ATP6V1C2: variants seen among roughly 807,000 people sequenced by gnomAD.
ATP6V1C2 encodes the protein V-type proton ATPase subunit C 2.
ATP6V1C2 carries 45 observed loss-of-function variants against 56.8 expected under a neutral mutation model. That is an observed-to-expected ratio of 0.79 (90% confidence interval 0.62 to 1.02). The LOEUF (loss-of-function observed/expected upper bound fraction) is 1.02. Among genes scored for constraint, ATP6V1C2 ranks in the 50% least tolerant of loss-of-function variants. ATP6V1C2 has a pLI of 0.00. For synonymous variants in ATP6V1C2, 220 were observed against 201.3 expected, an observed-to-expected ratio of 1.09 and a Z score of -0.79; for missense variants, 463 against 519.7, an observed-to-expected ratio of 0.89 and a Z score of 1.06.
chr2:10,730,801 C>T (rs572430252), intron 3 of ATP6V1C2, among the ~76,000 whole-genome samples: 25 of 151,610 alleles, frequency 1.6e-4, no homozygotes, highest in African/African-American at 4.4e-4. Flanking sequence ...TACAGGCATG[C>T]GCCACCATGC....
rs758479049 is a variant in ATP6V1C2 at position 10,763,130 on chromosome 2, G to A, written c.284-1201G>A. 6.6e-6 allele frequency among the ~76,000 whole-genome samples: 1 copy of A among 152,070 alleles called. No homozygotes were observed. The highest frequency in any genetic ancestry group is 1.5e-5 in the Non-Finnish European group (1 of 68,000). ...GTGAAGTGCAGACATGACCCTTGGT[G>A]ACCGATCCTACCCCTTTCTGTTCAG... On this transcript the variant is annotated intron_variant, in intron 4 of 13. Transcript: ENST00000272238. This position sits in a 1 kb window ranked among gnomAD's most constrained non-coding sequence, Gnocchi z 4.2.
chr2:10,742,560 C>T (rs116583151), intron 3 of ATP6V1C2, among the ~76,000 whole-genome samples: 1,937 of 152,288 alleles, frequency 0.013, 16 homozygotes, highest in Non-Finnish European at 0.018. Context: ...AGGCACCCGC[C>T]GGCTGCTCCT....
chr2:10,747,486 A>C (rs1294683720), intron 3 of ATP6V1C2, among the ~76,000 whole-genome samples: 2 of 152,186 alleles, frequency 1.3e-5, no homozygotes, highest in East Asian at 1.9e-4. Context: ...ATATAACTTT[A>C]GTATGATGAT....
intron 13 of ATP6V1C2, 73 bp downstream of exon 13, chr2:10,782,448 G>A (rs1558431997): frequency 6.5e-7 from 1 of 1,543,782 alleles, no homozygotes; most frequent in Non-Finnish European, 8.8e-7. Flanking sequence ...GTATCTGCCT[G>A]TAATCCCAAC....
intron 4 of ATP6V1C2, among the ~76,000 whole-genome samples, chr2:10,756,358 T>C (rs906205294): frequency 2.0e-5 from 3 of 148,792 alleles, no homozygotes; most frequent in Admixed American, 1.3e-4. Flanking sequence ...AGACTCTGTC[T>C]CAAAACAAAC....
intron 6 of ATP6V1C2, among the ~76,000 whole-genome samples, chr2:10,771,538 G>A (rs2148497479): frequency 6.6e-6 from 1 of 152,270 alleles, no homozygotes; most frequent in African/African-American, 2.4e-5. Context: ...GGGCAGCGCA[G>A]GTCACTGAGG....
rs181977824 is a variant in ATP6V1C2 at position 10,773,478 on chromosome 2, G to A, written c.638+868G>A. Reference sequence around the variant, plus strand: ...GCTCACTGCAACCTCCGCCTTCCGGGTTTAAGCAACTCTTCTACCTCAGCC... The same window carrying A: ...GCTCACTGCAACCTCCGCCTTCCGGATTTAAGCAACTCTTCTACCTCAGCC... On this transcript the variant is annotated intron_variant, in intron 8 of 13. Transcript: ENST00000272238. Among the ~76,000 whole-genome samples the A allele has an allele frequency of 3.7e-3, 567 of 152,286 alleles. 3 individuals carry two copies. The highest frequency in any genetic ancestry group is 0.031 in the Middle Eastern group (9 of 294).
chr2:10,784,188 T>G lies in ATP6V1C2; in HGVS notation c.*925T>G. The G allele has an allele frequency of 1.7e-6, 2 of 1,168,032 alleles. No homozygotes were observed. Among genetic ancestry groups the G allele is most frequent in the Non-Finnish European group, 2.5e-6 (2 of 802,728 alleles). The allele number at this position is 1,168,032 out of a possible 1,614,324, so 72.4% of individuals were successfully genotyped here. The stretch of plus-strand genomic sequence containing the variant: ...TAGAGTCATCTGAGTGTAGAGAATG[T>G]CCCTTCACTGCTGGAAAAATCCACT... On this transcript the variant is annotated 3_prime_UTR_variant, in exon 14 of 14. Transcript: ENST00000272238.
rs1215038327 is a variant in ATP6V1C2 at position 10,782,385 on chromosome 2, C to T, written c.1194+10C>T. Reference sequence around the variant, plus strand: ...TACAAGTATACTGGATGTAGGTATCCAGAAACAGCAGTATTTCTACAGTAA... The same window carrying T: ...TACAAGTATACTGGATGTAGGTATCTAGAAACAGCAGTATTTCTACAGTAA... On this transcript the variant is annotated intron_variant, in intron 13 of 13. Transcript: ENST00000272238. The T allele has an allele frequency of 6.2e-7, 1 of 1,613,368 alleles. No individual in the cohort carries two copies. The highest frequency in any genetic ancestry group is 2.2e-5 in the East Asian group (1 of 44,876).
intron 3 of ATP6V1C2, among the ~76,000 whole-genome samples, chr2:10,733,507 GA>G (rs1357185625): frequency 6.6e-6 from 1 of 152,056 alleles, no homozygotes; most frequent in East Asian, 1.9e-4. Context: ...CATGTAGTTG[GA>G]AGGCAGCTTT....
intron 10 of ATP6V1C2, among the ~76,000 whole-genome samples, chr2:10,776,544 G>A (rs3856465): frequency 0.29 from 44,028 of 152,150 alleles, 6,684 homozygotes; most frequent in African/African-American, 0.32. Context: ...TCTTCCTTAG[G>A]CTCAGCTCAC....
At chr2:10,752,719 G>T (rs1378761102) in intron 3 of ATP6V1C2, among the ~76,000 whole-genome samples, 1 of 152,178 alleles carries the variant, frequency 6.6e-6, no homozygotes, top group Non-Finnish European at 1.5e-5. Flanking sequence ...AAATCGGCAG[G>T]GTGCGATGGC....
chr2:10,724,905 T>C (rs1226847961), intron 2 of ATP6V1C2, among the ~76,000 whole-genome samples: 1 of 152,098 alleles, frequency 6.6e-6, no homozygotes, highest in African/African-American at 2.4e-5. Context: ...ACCTTCGGCC[T>C]CCCAAAGTGT....
intron 4 of ATP6V1C2, among the ~76,000 whole-genome samples, chr2:10,762,441 G>A (rs1305272463): frequency 6.6e-6 from 1 of 152,118 alleles, no homozygotes; most frequent in Non-Finnish European, 1.5e-5. Context: ...ACCACGCCCG[G>A]CAAAGCATAA....
At position 10,734,398 on chromosome 2, in the gene ATP6V1C2, C is replaced by G. The variant is rs893978159; in HGVS notation, c.197+7829C>G. On this transcript the variant is annotated intron_variant, in intron 3 of 13. Coordinates refer to ENST00000272238, the MANE Select transcript of ATP6V1C2 (RefSeq NM_001039362.2). Reference sequence around the variant, plus strand: ...CACTTGCCACAGTGGATTTTGACGTCTTCTTGTGGGATTATTTGGTCATAT... The same window carrying G: ...CACTTGCCACAGTGGATTTTGACGTGTTCTTGTGGGATTATTTGGTCATAT... 3.3e-5 allele frequency among the ~76,000 whole-genome samples: 5 copies of G among 152,302 alleles called. 1 individual carries two copies. In the South Asian group the frequency reaches 1.0e-3, roughly 32 times the overall value.
chr2:10,727,862 C>T (rs1222793885), intron 3 of ATP6V1C2, among the ~76,000 whole-genome samples: 2 of 152,136 alleles, frequency 1.3e-5, no homozygotes, highest in African/African-American at 4.8e-5. Flanking sequence ...CGAGATCGCG[C>T]CACTTCACTC....
chr2:10,776,268 T>C (rs1402743934), intron 10 of ATP6V1C2, among the ~76,000 whole-genome samples: 3 of 64,026 alleles, frequency 4.7e-5, no homozygotes, highest in African/African-American at 1.9e-4. Flanking sequence ...CTCACACACG[T>C]GTGTGTGTGT....
At position 10,783,902 on chromosome 2, in the gene ATP6V1C2, T is replaced by C. The variant is rs1180583860; in HGVS notation, c.*639T>C. On this transcript the variant is annotated 3_prime_UTR_variant, in exon 14 of 14. Coordinates refer to ENST00000272238, the MANE Select transcript of ATP6V1C2 (RefSeq NM_001039362.2). ...TTTTATTCTTTAATGGAAAAAGCCA[T>C]TAATATTCAAATGAAGGGATCACAT... 3 of 173,644 alleles carry C rather than the reference T, an allele frequency of 1.7e-5. No individual in the cohort carries two copies. Among genetic ancestry groups the C allele is most frequent in the Non-Finnish European group, 3.6e-5 (3 of 82,252 alleles). 10.8% of individuals were successfully genotyped at this position (173,644 alleles called of 1,614,324 possible). A position where few individuals can be genotyped will look rare whatever the true frequency, so the allele number is the denominator to read the frequency against.
intron 3 of ATP6V1C2, among the ~76,000 whole-genome samples, chr2:10,734,920 C>T (rs768145568): frequency 4.6e-4 from 70 of 151,978 alleles, no homozygotes; most frequent in Non-Finnish European, 8.8e-4. Flanking sequence ...CTCCTCTCTA[C>T]GAATAATACA....
Sources: allele counts gnomAD v4.1 joint callset (sites outside exome capture counted in the v4.1 genomes callset), GRCh38; gene constraint gnomAD v4.1.1; non-coding constraint Gnocchi (gnomAD v3.1); transcripts MANE v1.5; gene names NCBI Gene and HGNC (gene_info 2026-07-23, HGNC 2026-07-21).